Variants in ARHGAP39 observed in about 807,000 individuals in gnomAD.
ARHGAP39 encodes Rho GTPase activating protein 39, also known as rho GTPase-activating protein 39.
ARHGAP39 carries 44 observed loss-of-function variants against 106.9 expected under a neutral mutation model. The ratio of observed to expected loss-of-function variants is 0.41; its 90% CI spans 0.32 to 0.53. ARHGAP39 has a LOEUF of 0.53. Among genes scored for constraint, ARHGAP39 ranks in the 20% least tolerant of loss-of-function variants. ARHGAP39 has a pLI of 0.21. For synonymous variants in ARHGAP39, 768 were observed against 693.2 expected, an observed-to-expected ratio of 1.11 and a Z score of -1.69; for missense variants, 1,496 against 1,577.3, an observed-to-expected ratio of 0.95 and a Z score of 0.87.
chr8:144,679,942 C>A lies in ARHGAP39; in HGVS notation c.-82+5744G>T, dbSNP rs559340304. Among the ~76,000 whole-genome samples, 27 of 152,176 alleles carry A rather than the reference C, an allele frequency of 1.8e-4. No homozygotes were observed. In the East Asian group the frequency reaches 4.6e-3, roughly 26 times the overall value. On this transcript the variant is annotated intron_variant, in intron 1 of 11. Coordinates refer to ENST00000377307, the MANE Select transcript of ARHGAP39 (RefSeq NM_025251.3). The surrounding 1 kb of genome is among the most constrained non-coding windows in gnomAD (Gnocchi z 4.7). ...TTGCAGTGAGTCGAGATCGCGCCGC[C>A]GCACTCCAGCCTGGACGACAGAGCA...
rs1004752844 is a variant in ARHGAP39, at chr8:144,591,840, C to T, written c.81-10563G>A. On this transcript the variant is annotated intron_variant, in intron 2 of 11. Coordinates refer to ENST00000377307, the MANE Select transcript of ARHGAP39 (RefSeq NM_025251.3). This position sits in a 1 kb window ranked among gnomAD's most constrained non-coding sequence, Gnocchi z 5.3. ...AAGGAACAGGCCCCGTGTGCCAGGG[C>T]GGCTTCCCCTGGATGGCGGCGTCGC... 1.2e-4 allele frequency among the ~76,000 whole-genome samples: 19 copies of T among 152,202 alleles called. No homozygotes were observed. Among genetic ancestry groups the T allele is most frequent in the African/African-American group, 7.2e-5 (3 of 41,452 alleles).
Position 144,548,408 on chromosome 8 carries a change from G to A in ARHGAP39, c.678C>T (p.Ala226=), listed in dbSNP as rs777890802. 1.9e-6 allele frequency: 3 copies of A among 1,610,702 alleles called. No homozygotes were observed. The highest frequency in any genetic ancestry group is 1.1e-5 in the South Asian group (1 of 90,942). The change falls in exon 5 of 12, where the codon GCC becomes GCT. Residue 226 remains alanine, a synonymous_variant. Coordinates refer to ENST00000377307, the MANE Select transcript of ARHGAP39 (RefSeq NM_025251.3). This position sits in a 1 kb window ranked among gnomAD's most constrained non-coding sequence, Gnocchi z 7.4. The part of the protein sequence containing the change: ...KVADREPSFL[A]AQGNGYAPDG... ...CTGGGGCGTAGCCATTGCCCTGGGC[G>A]GCGAGGAAGCTGGGCTCCCGATCAG...
intron 1 of ARHGAP39, among the ~76,000 whole-genome samples, chr8:144,665,576 C>T (rs913508785): frequency 6.6e-6 from 1 of 152,206 alleles, no homozygotes; most frequent in African/African-American, 2.4e-5. Flanking sequence ...ACTTGGTGCC[C>T]TCTGTCCCAG....
Position 144,547,367 on chromosome 8 carries a change from C to T in ARHGAP39, c.1719G>A (p.Arg573=), listed in dbSNP as rs1156868582. ...AQQAHFHMKQ[R]SSWDSQQDGS... is the part of the protein sequence containing the mutation. ...CGTCCTGCTGGGAGTCCCAGCTGCT[C>T]CTCTGCTTCATGTGGAAGTGGGCCT... Residue 573 remains arginine (R), a synonymous_variant, in exon 5 of 12, where the codon AGG becomes AGA. Transcript: ENST00000377307. The surrounding 1 kb of genome is among the most constrained non-coding windows in gnomAD (Gnocchi z 5.2). 6 of 1,601,296 alleles carry T rather than the reference C, an allele frequency of 3.7e-6. No individual in the cohort carries two copies. In the South Asian group the frequency reaches 5.5e-5, roughly 15 times the overall value.
At chr8:144,657,446 T>A (rs1408258488) in intron 1 of ARHGAP39, among the ~76,000 whole-genome samples, 2 of 152,036 alleles carry the variant, frequency 1.3e-5, no homozygotes, top group Admixed American at 6.6e-5. Context: ...GGCAACAGAG[T>A]GAGACCCTGT....
chr8:144,674,062 G>A (rs1196745967), intron 1 of ARHGAP39, among the ~76,000 whole-genome samples: 1 of 152,134 alleles, frequency 6.6e-6, no homozygotes, highest in Non-Finnish European at 1.5e-5. Context: ...GGAGACCCTA[G>A]GTCTGGGCTC....
intron 2 of ARHGAP39, among the ~76,000 whole-genome samples, chr8:144,596,122 G>A (rs1386356050): frequency 2.0e-5 from 3 of 152,142 alleles, no homozygotes; most frequent in Non-Finnish European, 4.4e-5. Flanking sequence ...CCACATGACC[G>A]GAACCCAACG....
At chr8:144,626,877 G>A (rs1415437917) in intron 1 of ARHGAP39, among the ~76,000 whole-genome samples, 1 of 152,206 alleles carries the variant, frequency 6.6e-6, no homozygotes, top group Non-Finnish European at 1.5e-5. Context: ...CCCAAGAAAG[G>A]CACAGCATGG....
In ARHGAP39 at chr8:144,591,560, T is replaced by C. The variant is rs577487085; in HGVS notation, c.81-10283A>G. Among the ~76,000 whole-genome samples the C allele has an allele frequency of 6.6e-6, 1 of 151,900 alleles. No homozygotes were observed. On this transcript the variant is annotated intron_variant, in intron 2 of 11. Coordinates refer to ENST00000377307, the MANE Select transcript of ARHGAP39 (RefSeq NM_025251.3). The surrounding 1 kb of genome is among the most constrained non-coding windows in gnomAD (Gnocchi z 5.3). ...CAGCCATGCGGAACCTCCTGGCTGG[T>C]CCACAGGGAGCAGGATGAAGGCTCC... is the stretch of plus-strand genomic sequence containing the variant.
intron 3 of ARHGAP39, among the ~76,000 whole-genome samples, chr8:144,564,746 T>G (rs1404967686): frequency 6.6e-6 from 1 of 150,780 alleles, no homozygotes; most frequent in African/African-American, 2.4e-5. Flanking sequence ...TTTGAGAGGC[T>G]GAGGCAGGAG....
At chr8:144,554,186 G>A (rs1402007413) in intron 4 of ARHGAP39, among the ~76,000 whole-genome samples, 3 of 152,330 alleles carry the variant, frequency 2.0e-5, no homozygotes, top group East Asian at 1.9e-4. Context: ...CCTTCGTGGA[G>A]ACCAGGACCT....
chr8:144,580,502 A>G (rs1412826466), intron 3 of ARHGAP39, among the ~76,000 whole-genome samples: 3 of 152,198 alleles, frequency 2.0e-5, no homozygotes, highest in Non-Finnish European at 4.4e-5. Context: ...TGGGGACAGC[A>G]GCGGTGGCTG....
At position 144,530,194 on chromosome 8, in the gene ARHGAP39, T is replaced by C; in HGVS notation, c.*228A>G. 1 of 543,782 alleles carries C rather than the reference T, an allele frequency of 1.8e-6. No homozygotes were observed. The highest frequency in any genetic ancestry group is 2.4e-5 in the South Asian group (1 of 40,832). 33.7% of individuals were successfully genotyped at this position (543,782 alleles called of 1,614,324 possible). On this transcript the variant is annotated 3_prime_UTR_variant, in exon 12 of 12. Transcript: ENST00000377307. ...AGGGCGAGGCGGTGCCCGCGGGAAC[T>C]GGCCGTGAGGTGGGGGGCCAGAGGC...
At chr8:144,665,888 G>A (rs529175200) in intron 1 of ARHGAP39, among the ~76,000 whole-genome samples, 1 of 152,316 alleles carries the variant, frequency 6.6e-6, no homozygotes, top group African/African-American at 2.4e-5. Flanking sequence ...TGTGAGAAGA[G>A]GGCCACCATC....
chr8:144,669,250 T>C (rs1378044049), intron 1 of ARHGAP39, among the ~76,000 whole-genome samples: 1 of 143,342 alleles, frequency 7.0e-6, no homozygotes, highest in African/African-American at 2.6e-5. Context: ...CTCATGCTGA[T>C]AATCCCAACA....
At chr8:144,614,708 G>A (rs1311102136) in intron 1 of ARHGAP39, among the ~76,000 whole-genome samples, 1 of 152,178 alleles carries the variant, frequency 6.6e-6, no homozygotes, top group African/African-American at 2.4e-5. Flanking sequence ...TGAAAATGTT[G>A]ACTCTTGCTT....
chr8:144,555,651 A>G lies in ARHGAP39; in HGVS notation c.513-8T>C. On this transcript the variant is annotated splice_region_variant and splice_polypyrimidine_tract_variant and intron_variant, in intron 3 of 11. Coordinates refer to ENST00000377307, the MANE Select transcript of ARHGAP39 (RefSeq NM_025251.3). ...ACTCCTGGTGGTGAAGAGCTGAAACACAGTAAAATGAAAGAAATATGAATA... is the reference window on the plus strand; with the variant it reads ...ACTCCTGGTGGTGAAGAGCTGAAACGCAGTAAAATGAAAGAAATATGAATA... The G allele has an allele frequency of 6.2e-7, 1 of 1,610,994 alleles. No homozygotes were observed. The highest frequency in any genetic ancestry group is 8.5e-7 in the Non-Finnish European group (1 of 1,177,590).
chr8:144,648,549 A>G (rs1821499865), intron 1 of ARHGAP39, among the ~76,000 whole-genome samples: 1 of 152,204 alleles, frequency 6.6e-6, no homozygotes, highest in Non-Finnish European at 1.5e-5. Context: ...TGGAAACTCA[A>G]TTTCTGGCTG....
At chr8:144,550,824 A>T (rs1817662963) in intron 4 of ARHGAP39, among the ~76,000 whole-genome samples, 1 of 152,216 alleles carries the variant, frequency 6.6e-6, no homozygotes, top group African/African-American at 2.4e-5. Flanking sequence ...CTGTGGGGTC[A>T]ACCCCTCCAT....
Sources: allele counts gnomAD v4.1 joint callset (sites outside exome capture counted in the v4.1 genomes callset), GRCh38; gene constraint gnomAD v4.1.1; non-coding constraint Gnocchi (gnomAD v3.1); transcripts MANE v1.5; gene names NCBI Gene and HGNC (gene_info 2026-07-23, HGNC 2026-07-21).